The following CUX1 variants were observed in gnomAD, a reference collection of about 807,000 sequenced individuals.
CUX1 encodes the protein protein CASP.
CUX1 carries 31 observed loss-of-function variants against 158.8 expected under a neutral mutation model. That is an observed-to-expected ratio of 0.20 (90% CI 0.15 to 0.26). The LOEUF (loss-of-function observed/expected upper bound fraction) is 0.26, where lower values mean the gene tolerates loss of function less well. CUX1 is among the 10% of genes least tolerant of loss of function. The pLI, the probability that CUX1 is intolerant of heterozygous loss-of-function variation, is 1.00. For missense variants in CUX1, 1,589 were observed against 2,014.6 expected (o/e 0.79, Z 4.04); for synonymous variants, 879 against 862.1 (o/e 1.02, Z -0.34).
intron 2 of CUX1, among the ~76,000 whole-genome samples, chr7:101,996,073 T>C (rs1398437041): frequency 6.6e-6 from 1 of 150,638 alleles, no homozygotes; most frequent in African/African-American, 2.4e-5. Context: ...ATCGCGCCAC[T>C]GCACTCCAGC....
chr7:102,103,636 T>C (rs1585686782), intron 5 of CUX1, among the ~76,000 whole-genome samples: 1 of 152,212 alleles, frequency 6.6e-6, no homozygotes, highest in African/African-American at 2.4e-5. Flanking sequence ...GGGCTCGCTG[T>C]GTTTCTGGGG....
intron 14 of CUX1, among the ~76,000 whole-genome samples, chr7:102,272,978 C>G (rs1791335991): frequency 6.6e-6 from 1 of 152,176 alleles, no homozygotes; most frequent in African/African-American, 2.4e-5. Context: ...GCAACCTGAG[C>G]CTCCTTGCCC....
intron 10 of CUX1, among the ~76,000 whole-genome samples, chr7:102,171,534 A>G (rs1157391332): frequency 6.8e-6 from 1 of 147,412 alleles, no homozygotes. Flanking sequence ...TGCAGCCTCC[A>G]CCTCCCAGGC....
intron 3 of CUX1, among the ~76,000 whole-genome samples, chr7:102,049,979 T>C (rs945399392): frequency 1.6e-4 from 24 of 152,112 alleles, no homozygotes; most frequent in African/African-American, 5.3e-4. Flanking sequence ...GCTGGGAGCA[T>C]TCCTGCCGTC....
intron 2 of CUX1, among the ~76,000 whole-genome samples, chr7:102,009,512 C>T (rs1817752220): frequency 1.3e-5 from 2 of 152,210 alleles, no homozygotes; most frequent in African/African-American, 2.4e-5. Flanking sequence ...AGGCTGGTCT[C>T]GAACTCCTGA....
chr7:101,972,398 C>T (rs1007980825), intron 2 of CUX1, among the ~76,000 whole-genome samples: 6 of 152,188 alleles, frequency 3.9e-5, no homozygotes, highest in East Asian at 1.9e-4. Flanking sequence ...ACATACCGTT[C>T]GGGGACAAAG....
At chr7:102,029,213 G>A (rs1440999019) in intron 3 of CUX1, among the ~76,000 whole-genome samples, 4 of 151,952 alleles carry the variant, frequency 2.6e-5, no homozygotes, top group Non-Finnish European at 5.9e-5. Context: ...GGCTGGTCTC[G>A]ATCTCCTGAC....
intron 1 of CUX1, among the ~76,000 whole-genome samples, chr7:101,882,946 CT>C (rs1028434502): frequency 9.8e-5 from 15 of 152,286 alleles, no homozygotes; most frequent in African/African-American, 3.6e-4. Flanking sequence ...CTCTAAGGCC[CT>C]GCTGGTTCTG....
chr7:101,984,864 T>G (rs921016902), intron 2 of CUX1, among the ~76,000 whole-genome samples: 3 of 152,236 alleles, frequency 2.0e-5, no homozygotes, highest in Admixed American at 2.0e-4. Flanking sequence ...AATCTTAATT[T>G]TATTATATAT....
chr7:101,821,247 T>TC (rs142508756), intron 1 of CUX1, among the ~76,000 whole-genome samples: 11,500 of 149,652 alleles, frequency 0.077, 1,030 homozygotes, highest in East Asian at 0.48. Flanking sequence ...GAGAAGATAC[T>TC]CCCCCCCGCC....
chr7:102,126,530 C>A (rs1832662327), intron 8 of CUX1, among the ~76,000 whole-genome samples: 1 of 152,020 alleles, frequency 6.6e-6, no homozygotes, highest in African/African-American at 2.4e-5. Context: ...GGCATTATGT[C>A]CCCTAAACCC....
intron 8 of CUX1, among the ~76,000 whole-genome samples, chr7:102,133,241 C>T (rs1355061631): frequency 2.6e-5 from 4 of 152,090 alleles, no homozygotes; most frequent in Admixed American, 6.6e-5. Context: ...CCAACTCAAA[C>T]TCCACCGTCC....
intron 3 of CUX1, among the ~76,000 whole-genome samples, chr7:102,048,275 G>A (rs992357018): frequency 2.6e-5 from 4 of 152,036 alleles, no homozygotes; most frequent in South Asian, 2.1e-4. Context: ...TGTTATGCCC[G>A]GGCAAATGCC....
intron 4 of CUX1, among the ~76,000 whole-genome samples, chr7:102,087,151 C>T (rs1828031014): frequency 6.6e-6 from 1 of 152,024 alleles, no homozygotes. Context: ...TTGAAGTCTA[C>T]CATCTTACTT....
chr7:102,110,173 C>G (rs1359606985), intron 6 of CUX1, among the ~76,000 whole-genome samples: 1 of 152,128 alleles, frequency 6.6e-6, no homozygotes, highest in African/African-American at 2.4e-5. Flanking sequence ...TCATATTACA[C>G]TATAGTATAT....
chr7:101,964,274 A>T lies in CUX1; in HGVS notation c.141+48049A>T, dbSNP rs139427050. Among the ~76,000 whole-genome samples the T allele has an allele frequency of 2.2e-3, 333 of 152,048 alleles. 1 individual carries two copies. Among genetic ancestry groups the T allele is most frequent in the African/African-American group, 7.5e-3 (310 of 41,496 alleles). On this transcript the variant is annotated intron_variant, in intron 2 of 23. Transcript: ENST00000292535. ...AGGCTGAGGCAGGAGAATTGCTTGAACCTGGGGGGCGGAGGTTGCAGTGAG... is the reference window on the plus strand; with the variant it reads ...AGGCTGAGGCAGGAGAATTGCTTGATCCTGGGGGGCGGAGGTTGCAGTGAG...
chr7:101,845,697 G>A (rs948437587), intron 1 of CUX1, among the ~76,000 whole-genome samples: 1 of 152,224 alleles, frequency 6.6e-6, no homozygotes, highest in Non-Finnish European at 1.5e-5. Flanking sequence ...ACCAGCAACA[G>A]TGGTATCACC....
At chr7:102,262,631 A>G (rs1391685708), downstream of CUX1, among the ~76,000 whole-genome samples, 1 of 152,144 alleles carries the variant, frequency 6.6e-6, no homozygotes, top group Non-Finnish European at 1.5e-5. Context: ...AGTCTCCTCT[A>G]ACACACATGG....
Position 101,922,307 on chromosome 7 carries a change from G to A in CUX1, c.141+6082G>A, listed in dbSNP as rs921355112. Among the ~76,000 whole-genome samples, 3 of 152,178 alleles carry A rather than the reference G, an allele frequency of 2.0e-5. No individual in the cohort carries two copies. The East Asian group carries it at 5.8e-4, about 29-fold the overall frequency. ...TGTTAAGTGCTAGGATAGAATGACT[G>A]GAATCTTCTGACTGTAGACTTTCCC... On this transcript the variant is annotated intron_variant, in intron 2 of 23. Coordinates refer to ENST00000292535, the MANE Select transcript of CUX1 (RefSeq NM_181552.4).
Sources: gnomAD v4.1 joint callset for allele counts (sites outside exome capture counted in the v4.1 genomes callset) on GRCh38, gnomAD v4.1.1 for gene constraint, MANE v1.5 for transcripts, NCBI Gene and HGNC (gene_info 2026-07-23, HGNC 2026-07-21) for gene names.